Variants in ZC2HC1B observed in about 807,000 individuals in gnomAD.
ZC2HC1B encodes the protein zinc finger C2HC domain-containing protein 1B.
ZC2HC1B carries 36 observed loss-of-function variants against 31.0 expected under a neutral mutation model. The observed-to-expected ratio is 1.16, with a 90% confidence interval of 0.89 to 1.54. ZC2HC1B has a LOEUF of 1.54. ZC2HC1B is among the 40% of genes most tolerant of loss of function. The pLI, the probability that ZC2HC1B is intolerant of heterozygous loss-of-function variation, is 0.00. For synonymous variants in ZC2HC1B, 73 were observed against 88.0 expected, an observed-to-expected ratio of 0.83 and a Z score of 0.95; for missense variants, 260 against 268.6, an observed-to-expected ratio of 0.97 and a Z score of 0.22.
chr6:143,870,628 G>T lies in ZC2HC1B; in HGVS notation c.28+6061G>T, dbSNP rs983330809. ...CATGATAGGCAGGTCAGGTTGCATG[G>T]TGACTTGATGACCCACAGTCAAACG... is the stretch of plus-strand genomic sequence containing the variant. On this transcript the variant is annotated intron_variant, in intron 1 of 7. Transcript: ENST00000237275. This position sits in a 1 kb window ranked among gnomAD's most constrained non-coding sequence, Gnocchi z 4.7. Among the ~76,000 whole-genome samples the T allele has an allele frequency of 9.9e-5, 15 of 152,166 alleles. No individual in the cohort carries two copies. Among genetic ancestry groups the T allele is most frequent in the Admixed American group, 9.8e-4 (15 of 15,280 alleles).
chr6:143,890,417 T>C (rs1385504900), intron 4 of ZC2HC1B, among the ~76,000 whole-genome samples: 1 of 148,918 alleles, frequency 6.7e-6, no homozygotes, highest in East Asian at 2.0e-4. Context: ...AAAAAAAAAC[T>C]TCTCAGCAAG....
chr6:143,934,149 G>C lies in ZC2HC1B; in HGVS notation c.599-3500G>C, dbSNP rs1397957116. On this transcript the variant is annotated intron_variant, in intron 6 of 7. Transcript: ENST00000237275. The surrounding 1 kb of genome is among the most constrained non-coding windows in gnomAD (Gnocchi z 4.6). ...ATTTTTCAGGTTCCTCAGTGGGGAC[G>C]TGTGCTTGGAAGCAGATGTGTCCCC... Among the ~76,000 whole-genome samples the C allele has an allele frequency of 2.0e-5, 3 of 152,344 alleles. No homozygotes were observed. The highest frequency in any genetic ancestry group is 3.4e-3 in the Middle Eastern group (1 of 294).
intron 1 of ZC2HC1B, among the ~76,000 whole-genome samples, chr6:143,880,297 G>A (rs1192503543): frequency 2.0e-5 from 3 of 152,100 alleles, no homozygotes; most frequent in African/African-American, 7.2e-5. Context: ...TCTCTGAGGT[G>A]ATACTCATTG....
At chr6:143,914,052 G>A (rs1008863433) in intron 6 of ZC2HC1B, among the ~76,000 whole-genome samples, 4 of 152,104 alleles carry the variant, frequency 2.6e-5, no homozygotes, top group African/African-American at 9.7e-5. Context: ...TGGTTTTATT[G>A]ATTTTTCTCT....
chr6:143,917,572 G>A lies in ZC2HC1B; in HGVS notation c.598+14420G>A, dbSNP rs150099418. Among the ~76,000 whole-genome samples the A allele has an allele frequency of 4.1e-4, 62 of 152,188 alleles. No individual in the cohort carries two copies. The highest frequency in any genetic ancestry group is 1.5e-3 in the African/African-American group (62 of 41,522). On this transcript the variant is annotated intron_variant, in intron 6 of 7. Transcript: ENST00000237275. The surrounding 1 kb of genome is among the most constrained non-coding windows in gnomAD (Gnocchi z 4.1). Reference sequence around the variant, plus strand: ...CTTTTCCACCCATTTTGTTATTGATGTCACAAAATTACATCTTTATACAGG... The same window carrying A: ...CTTTTCCACCCATTTTGTTATTGATATCACAAAATTACATCTTTATACAGG...
At chr6:143,874,539 A>T (rs1031713830) in intron 1 of ZC2HC1B, among the ~76,000 whole-genome samples, 4 of 152,220 alleles carry the variant, frequency 2.6e-5, no homozygotes, top group Admixed American at 1.3e-4. Context: ...GACTTACAGT[A>T]CCACATGGCT....
chr6:143,923,960 G>T lies in ZC2HC1B; in HGVS notation c.599-13689G>T, dbSNP rs1778008750. Among the ~76,000 whole-genome samples the T allele has an allele frequency of 6.6e-6, 1 of 151,684 alleles. No homozygotes were observed. Among genetic ancestry groups the T allele is most frequent in the South Asian group, 2.1e-4 (1 of 4,804 alleles). On this transcript the variant is annotated intron_variant, in intron 6 of 7. Coordinates refer to ENST00000237275, the MANE Select transcript of ZC2HC1B (RefSeq NM_001013623.3). The surrounding 1 kb of genome is among the most constrained non-coding windows in gnomAD (Gnocchi z 4.8). ...TTTAATGGTTCTATACAAATTTTAG[G>T]ATTTTTTTGTATTTATATAAAGAAT... is the stretch of plus-strand genomic sequence containing the variant.
intron 1 of ZC2HC1B, among the ~76,000 whole-genome samples, chr6:143,874,589 TC>T (rs1777384752): frequency 6.6e-6 from 1 of 152,128 alleles, no homozygotes; most frequent in African/African-American, 2.4e-5. Flanking sequence ...GAAAGGCATT[TC>T]TTACATGGTG....
chr6:143,882,333 T>A (rs935594618), intron 1 of ZC2HC1B, among the ~76,000 whole-genome samples: 1,666 of 100,004 alleles, frequency 0.017, 95 homozygotes, highest in African/African-American at 0.063. Context: ...TTTTATATTT[T>A]TTATATATAT....
chr6:143,864,645 G>A (rs1262890629), intron 1 of ZC2HC1B, 78 bp downstream of exon 1: 7 of 1,439,938 alleles, frequency 4.9e-6, no homozygotes, highest in South Asian at 1.2e-5. Context: ...TCCAAAGCTG[G>A]TAGGTATTAG....
At chr6:143,909,682 C>A (rs1354568651) in intron 6 of ZC2HC1B, among the ~76,000 whole-genome samples, 1 of 151,844 alleles carries the variant, frequency 6.6e-6, no homozygotes, top group African/African-American at 2.4e-5. Flanking sequence ...TCTAGAATTT[C>A]TAGTGTATGT....
At position 143,895,173 on chromosome 6, in the gene ZC2HC1B, T is replaced by C. The variant is rs1400777438; in HGVS notation, c.350-3379T>C. Among the ~76,000 whole-genome samples, 1 of 152,170 alleles carries C rather than the reference T, an allele frequency of 6.6e-6. No homozygotes were observed. Among genetic ancestry groups the C allele is most frequent in the African/African-American group, 2.4e-5 (1 of 41,424 alleles). ...TTTATTTGTTTTTTGTTGTTGTTGT[T>C]GTTTTTGAGACAGAGTTTTGCTCTT... On this transcript the variant is annotated intron_variant, in intron 4 of 7. Coordinates refer to ENST00000237275, the MANE Select transcript of ZC2HC1B (RefSeq NM_001013623.3). The surrounding 1 kb of genome is among the most constrained non-coding windows in gnomAD (Gnocchi z 4.8).
rs954801488 is a variant in ZC2HC1B, at chr6:143,915,774, C to A, written c.598+12622C>A. 3.9e-5 allele frequency among the ~76,000 whole-genome samples: 6 copies of A among 152,150 alleles called. No individual in the cohort carries two copies. The highest frequency in any genetic ancestry group is 1.4e-4 in the African/African-American group (6 of 41,430). ...GGAACTTTGGACTTCAGGGAGATGA[C>A]TTAGGGTATCTGGCAGAATAAATTT... On this transcript the variant is annotated intron_variant, in intron 6 of 7. Transcript: ENST00000237275. The surrounding 1 kb of genome is among the most constrained non-coding windows in gnomAD (Gnocchi z 5.2).
At chr6:143,906,051 A>T (rs1176425873) in intron 6 of ZC2HC1B, among the ~76,000 whole-genome samples, 2 of 152,204 alleles carry the variant, frequency 1.3e-5, no homozygotes, top group Non-Finnish European at 2.9e-5. Flanking sequence ...TTATGGAATG[A>T]ATTAGGAATG....
At position 143,903,271 on chromosome 6, in the gene ZC2HC1B, G is replaced by A; in HGVS notation, c.598+119G>A. ...AAGACATTCACTGTTGCTTTTGGATGCAAAGATATTTGGGTTAGAGGTTAA... is the reference window on the plus strand; with the variant it reads ...AAGACATTCACTGTTGCTTTTGGATACAAAGATATTTGGGTTAGAGGTTAA... On this transcript the variant is annotated intron_variant, in intron 6 of 7. Coordinates refer to ENST00000237275, the MANE Select transcript of ZC2HC1B (RefSeq NM_001013623.3). This position sits in a 1 kb window ranked among gnomAD's most constrained non-coding sequence, Gnocchi z 4.3. The A allele has an allele frequency of 3.4e-6, 3 of 876,986 alleles. No individual in the cohort carries two copies. Among genetic ancestry groups the A allele is most frequent in the East Asian group, 5.4e-5 (2 of 37,316 alleles). 54.3% of individuals were successfully genotyped at this position (876,986 alleles called of 1,614,324 possible).
rs552052903 is a variant in ZC2HC1B at position 143,925,527 on chromosome 6, T to G, written c.599-12122T>G. 1.1e-4 allele frequency among the ~76,000 whole-genome samples: 14 copies of G among 131,790 alleles called. No homozygotes were observed. The South Asian group carries it at 3.6e-3, about 34-fold the overall frequency. The allele number at this position is 131,790 out of a possible 152,430, so 86.5% of individuals were successfully genotyped here. A position where few individuals can be genotyped will look rare whatever the true frequency, so the allele number is the denominator to read the frequency against. ...TTTTCTCTTTCTTCCTTATTCATTC[T>G]TTTCTTTTCTTTTTTTTTTTTTTTT... On this transcript the variant is annotated intron_variant, in intron 6 of 7. Coordinates refer to ENST00000237275, the MANE Select transcript of ZC2HC1B (RefSeq NM_001013623.3).
intron 1 of ZC2HC1B, among the ~76,000 whole-genome samples, chr6:143,880,592 C>A (rs1777455571): frequency 6.6e-6 from 1 of 152,102 alleles, no homozygotes; most frequent in South Asian, 2.1e-4. Context: ...TTTTTGGCAA[C>A]CTATTTCTGT....
chr6:143,864,628 T>C (rs1474430435), intron 1 of ZC2HC1B, 61 bp downstream of exon 1: 1 of 1,525,384 alleles, frequency 6.6e-7, no homozygotes, highest in East Asian at 2.5e-5. Context: ...CATTCATTTA[T>C]GGCTTTTCCA....
rs1034508069 is a variant in ZC2HC1B at position 143,884,435 on chromosome 6, G to A, written c.90+70G>A. 1.1e-5 allele frequency: 15 copies of A among 1,411,440 alleles called. No homozygotes were observed. The highest frequency in any genetic ancestry group is 1.8e-4 in the Middle Eastern group (1 of 5,586). The allele number at this position is 1,411,440 out of a possible 1,614,324, so 87.4% of individuals were successfully genotyped here. On this transcript the variant is annotated intron_variant, in intron 2 of 7. Transcript: ENST00000237275. This position sits in a 1 kb window ranked among gnomAD's most constrained non-coding sequence, Gnocchi z 5.1. Reference sequence around the variant, plus strand: ...TGAACTGTCAAGTCAGTGAGGAGGCGGCAGTGCAAAGATTAAAGACAGATG... The same window carrying A: ...TGAACTGTCAAGTCAGTGAGGAGGCAGCAGTGCAAAGATTAAAGACAGATG...
Sources: gnomAD v4.1 joint callset for allele counts (sites outside exome capture counted in the v4.1 genomes callset) on GRCh38, gnomAD v4.1.1 for gene constraint, Gnocchi (gnomAD v3.1) non-coding constraint, MANE v1.5 for transcripts, NCBI Gene and HGNC (gene_info 2026-07-23, HGNC 2026-07-21) for gene names.